Variants in MARCHF10 observed in about 807,000 individuals in gnomAD.
The protein encoded by MARCHF10 is membrane associated ring-CH-type finger 10.
Under a neutral mutation model 76.2 loss-of-function variants are expected in MARCHF10, and 64 were observed. The observed-to-expected ratio is 0.84, with a 90% confidence interval of 0.69 to 1.03. MARCHF10 has a LOEUF of 1.03. Among genes scored for constraint, MARCHF10 ranks in the 50% least tolerant of loss-of-function variants. MARCHF10 has a pLI of 0.00. For synonymous variants in MARCHF10, 340 were observed against 357.5 expected (o/e 0.95, Z 0.55); for missense variants, 875 against 958.0 (o/e 0.91, Z 1.14).
chr17:62,737,517 G>A (rs1030569650), intron 5 of MARCHF10, 185 bp from the exon 6 acceptor site: 5 of 609,092 alleles, frequency 8.2e-6, no homozygotes, highest in African/African-American at 5.6e-5. Flanking sequence ...TTACTGCCCC[G>A]TATTCTCCTT....
intron 1 of MARCHF10, among the ~76,000 whole-genome samples, chr17:62,802,601 T>C (rs186885267): frequency 3.3e-5 from 5 of 152,292 alleles, no homozygotes; most frequent in African/African-American, 1.2e-4. Context: ...AGCAGAACTA[T>C]GCGGCTCTTT....
intron 8 of MARCHF10, among the ~76,000 whole-genome samples, chr17:62,717,065 G>A (rs1371435300): frequency 6.6e-6 from 1 of 152,260 alleles, no homozygotes; most frequent in Non-Finnish European, 1.5e-5. Flanking sequence ...GACGAGCTGA[G>A]TTTCAGTGAC....
At chr17:62,734,539 TATTAA>T (rs2091178623) in intron 6 of MARCHF10, among the ~76,000 whole-genome samples, 2 of 152,180 alleles carry the variant, frequency 1.3e-5, no homozygotes, top group South Asian at 2.1e-4. Context: ...TAGGATTAGA[TATTAA>T]ATTAAGGCAT....
intron 3 of MARCHF10, among the ~76,000 whole-genome samples, chr17:62,769,887 A>G (rs1462326548): frequency 6.6e-6 from 1 of 152,024 alleles, no homozygotes; most frequent in Non-Finnish European, 1.5e-5. Flanking sequence ...AGTTCATTCA[A>G]GTTGGCTTTT....
At chr17:62,800,662 C>T (rs1424978474) in intron 2 of MARCHF10, among the ~76,000 whole-genome samples, 1 of 152,170 alleles carries the variant, frequency 6.6e-6, no homozygotes, top group African/African-American at 2.4e-5. Context: ...GGAAGGAGCG[C>T]TTTTCAATCC....
At chr17:62,770,003 T>G (rs2092412251) in intron 3 of MARCHF10, among the ~76,000 whole-genome samples, 1 of 152,192 alleles carries the variant, frequency 6.6e-6, no homozygotes, top group Non-Finnish European at 1.5e-5. Flanking sequence ...TAGATAGTTT[T>G]TCAATCCACA....
intron 10 of MARCHF10, 133 bp downstream of exon 10, chr17:62,705,406 G>A: frequency 1.3e-6 from 2 of 1,566,322 alleles, no homozygotes; most frequent in Admixed American, 2.1e-5. Flanking sequence ...ACTTTCCCAA[G>A]CTTTGCGGGG....
chr17:62,712,811 C>T lies in MARCHF10; in HGVS notation c.2215-1467G>A, dbSNP rs1286670831. Among the ~76,000 whole-genome samples the T allele has an allele frequency of 6.6e-6, 1 of 152,164 alleles. No homozygotes were observed. The highest frequency in any genetic ancestry group is 1.5e-5 in the Non-Finnish European group (1 of 68,022). ...CCAGGCTGGAGTGCAATGGCGTGAT[C>T]TCGGCTCACTGCAACCTCCACCTCC... On this transcript the variant is annotated intron_variant, in intron 8 of 10. Coordinates refer to ENST00000311269, the MANE Select transcript of MARCHF10 (RefSeq NM_152598.4). The surrounding 1 kb of genome is among the most constrained non-coding windows in gnomAD (Gnocchi z 4.2).
chr17:62,778,789 T>A (rs1454341828), intron 3 of MARCHF10, among the ~76,000 whole-genome samples: 1 of 149,914 alleles, frequency 6.7e-6, no homozygotes, highest in Non-Finnish European at 1.5e-5. Flanking sequence ...CAGGTTTCAG[T>A]GTTTGATTGC....
chr17:62,771,146 C>T (rs952868025), intron 3 of MARCHF10, among the ~76,000 whole-genome samples: 1 of 152,092 alleles, frequency 6.6e-6, no homozygotes. Context: ...GGCTGTAGAT[C>T]ATGTAATCTA....
At chr17:62,722,757 T>C (rs1410022784) in intron 7 of MARCHF10, among the ~76,000 whole-genome samples, 160 bp from the exon 8 acceptor site, 14 of 151,908 alleles carry the variant, frequency 9.2e-5, no homozygotes, top group Non-Finnish European at 1.5e-5. Flanking sequence ...AAAATGACCT[T>C]GAATCTGAGA....
At chr17:62,795,729 G>A (rs1428003360) in intron 2 of MARCHF10, among the ~76,000 whole-genome samples, 1 of 152,194 alleles carries the variant, frequency 6.6e-6, no homozygotes, top group Admixed American at 6.5e-5. Flanking sequence ...AAGGTGAGTG[G>A]AGTACAGGAA....
At chr17:62,797,041 A>G (rs2092997325) in intron 2 of MARCHF10, among the ~76,000 whole-genome samples, 1 of 152,134 alleles carries the variant, frequency 6.6e-6, no homozygotes, top group African/African-American at 2.4e-5. Context: ...AAAAAAAGAC[A>G]ATTTGCAATG....
chr17:62,701,743 T>A lies in MARCHF10; in HGVS notation c.2387A>T (p.Asp796Val). ...TEENENSELG[D>V]GNEGSISQSQ... Reference sequence around the variant, plus strand: ...TTGAGAAATGCTGCCTTCATTTCCATCTCCCAACTCCGAATCTGGAAGGCA... The same window carrying A: ...TTGAGAAATGCTGCCTTCATTTCCAACTCCCAACTCCGAATCTGGAAGGCA... Residue 796 changes from aspartate to valine, a missense_variant, in exon 11 of 11, where the codon GAT becomes GTT. Asp to Val is a radical substitution (Grantham distance 152). Coordinates refer to ENST00000311269, the MANE Select transcript of MARCHF10 (RefSeq NM_152598.4). The A allele has an allele frequency of 6.2e-7, 1 of 1,614,128 alleles. No individual in the cohort carries two copies. The highest frequency in any genetic ancestry group is 8.5e-7 in the Non-Finnish European group (1 of 1,180,034).
intron 2 of MARCHF10, among the ~76,000 whole-genome samples, chr17:62,794,757 AT>A (rs1336453036): frequency 1.3e-5 from 2 of 152,202 alleles, no homozygotes; most frequent in Non-Finnish European, 2.9e-5. Flanking sequence ...TCCAGCCAGA[AT>A]GGCATCTGTT....
At position 62,705,347 on chromosome 17, in the gene MARCHF10, C is replaced by T. The variant is rs933862079; in HGVS notation, c.2371+192G>A. The T allele has an allele frequency of 3.3e-6, 5 of 1,510,158 alleles. No homozygotes were observed. In the African/African-American group the frequency reaches 7.1e-5, roughly 21 times the overall value. The allele number at this position is 1,510,158 out of a possible 1,614,324, so 93.5% of individuals were successfully genotyped here. On this transcript the variant is annotated intron_variant, in intron 10 of 10. Coordinates refer to ENST00000311269, the MANE Select transcript of MARCHF10 (RefSeq NM_152598.4). ...GGATGAATTAAAATTCTTATCTGCT[C>T]TGCATCCAGTGAACTTGGCCTCGCC...
intron 6 of MARCHF10, among the ~76,000 whole-genome samples, chr17:62,729,746 A>G (rs2090932689): frequency 6.6e-6 from 1 of 151,612 alleles, no homozygotes; most frequent in Non-Finnish European, 1.5e-5. Flanking sequence ...GAGAACATAT[A>G]TATTTTTTGT....
At chr17:62,768,594 C>A (rs982573711) in intron 3 of MARCHF10, among the ~76,000 whole-genome samples, 6 of 152,156 alleles carry the variant, frequency 3.9e-5, no homozygotes, top group Non-Finnish European at 7.4e-5. Context: ...GAACTGTTTT[C>A]AACTTTATTT....
At chr17:62,715,700 G>T (rs879330318) in intron 8 of MARCHF10, among the ~76,000 whole-genome samples, 1 of 152,208 alleles carries the variant, frequency 6.6e-6, no homozygotes, top group Non-Finnish European at 1.5e-5. Context: ...AGGTCCCTGG[G>T]GTCCCACAGC....
Sources: allele counts gnomAD v4.1 joint callset (sites outside exome capture counted in the v4.1 genomes callset), GRCh38; gene constraint gnomAD v4.1.1; non-coding constraint Gnocchi (gnomAD v3.1); transcripts MANE v1.5; gene names NCBI Gene and HGNC (gene_info 2026-07-23, HGNC 2026-07-21).